The following SPIN1 variants were observed in gnomAD, a reference collection of about 807,000 sequenced individuals.
SPIN1 encodes the protein spindlin 1, also known as spindlin-1.
SPIN1 carries 3 observed loss-of-function variants against 26.0 expected under a neutral mutation model. The observed-to-expected ratio is 0.12, with a 90% CI of 0.05 to 0.30. The LOEUF (loss-of-function observed/expected upper bound fraction) is 0.30, where lower values mean the gene tolerates loss of function less well. SPIN1 is among the 10% of genes least tolerant of loss of function. The pLI is 1.00. For missense variants in SPIN1, 126 were observed against 333.4 expected, an observed-to-expected ratio of 0.38 and a Z score of 4.84; for synonymous variants, 101 against 116.5, an observed-to-expected ratio of 0.87 and a Z score of 0.86.
rs1199662894 is a variant in SPIN1, at chr9:88,478,180, C to G, written c.*2903C>G. 2 of 152,516 alleles carry G rather than the reference C, an allele frequency of 1.3e-5. No homozygotes were observed. The highest frequency in any genetic ancestry group is 2.4e-5 in the African/African-American group (1 of 41,410). The allele number at this position is 152,516 out of a possible 1,614,324, so 9.4% of individuals were successfully genotyped here. ...AAAAAAAATCACAGTTACTTCTAAA[C>G]CAGATTTCATTTCTTTTATTGTTTT... On this transcript the variant is annotated 3_prime_UTR_variant, in exon 6 of 6. Coordinates refer to ENST00000375859, the MANE Select transcript of SPIN1 (RefSeq NM_006717.3).
intron 1 of SPIN1, among the ~76,000 whole-genome samples, chr9:88,412,512 G>A (rs985521715): frequency 6.6e-6 from 1 of 152,176 alleles, no homozygotes; most frequent in African/African-American, 2.4e-5. Context: ...GGTTTGGGCA[G>A]AGGGGGTTGT....
chr9:88,472,188 G>T (rs574093459), intron 5 of SPIN1, among the ~76,000 whole-genome samples: 15 of 152,308 alleles, frequency 9.8e-5, no homozygotes, highest in African/African-American at 3.6e-4. Flanking sequence ...GAACAAAGAA[G>T]TCACCTGGGA....
intron 2 of SPIN1, among the ~76,000 whole-genome samples, chr9:88,441,040 G>C (rs555260416): frequency 6.6e-6 from 1 of 151,684 alleles, no homozygotes; most frequent in Non-Finnish European, 1.5e-5. Context: ...CTCTGTATCC[G>C]TGGGTTTTAC....
intron 1 of SPIN1, among the ~76,000 whole-genome samples, chr9:88,392,365 T>C (rs1826942558): frequency 1.3e-5 from 2 of 152,194 alleles, no homozygotes; most frequent in African/African-American, 4.8e-5. Flanking sequence ...TTACAGACTT[T>C]ATAGTCTGAT....
At chr9:88,426,809 G>C (rs752464074) in intron 2 of SPIN1, among the ~76,000 whole-genome samples, 44 of 152,316 alleles carry the variant, frequency 2.9e-4, no homozygotes, top group African/African-American at 1.0e-3. Flanking sequence ...GGTTATAAAT[G>C]TCTAGTAAAT....
At chr9:88,426,630 T>G in intron 2 of SPIN1, 39 bp downstream of exon 2, 1 of 1,537,332 alleles carries the variant, frequency 6.5e-7, no homozygotes, top group African/African-American at 1.4e-5. Flanking sequence ...AATATATACT[T>G]TAATATAATT....
chr9:88,390,291 T>G (rs1421052266), intron 1 of SPIN1, among the ~76,000 whole-genome samples: 1 of 152,190 alleles, frequency 6.6e-6, no homozygotes, highest in African/African-American at 2.4e-5. Context: ...GATAATTGTG[T>G]GTCTCCCTTA....
At chr9:88,471,684 A>G (rs1828791631) in intron 5 of SPIN1, among the ~76,000 whole-genome samples, 2 of 150,908 alleles carry the variant, frequency 1.3e-5, no homozygotes, top group African/African-American at 4.9e-5. Context: ...AAAAAAGAAA[A>G]TCAGTTGACC....
At chr9:88,414,615 T>C (rs1332691222) in intron 1 of SPIN1, among the ~76,000 whole-genome samples, 3 of 152,202 alleles carry the variant, frequency 2.0e-5, no homozygotes, top group Non-Finnish European at 4.4e-5. Context: ...GCAAATCTAG[T>C]CAAGTGTCAG....
Position 88,441,414 on chromosome 9 carries a change from T to TGTGTGTGTGTGTGTGTGCGC in SPIN1, c.53-7526_53-7525insTGTGTGTGTGTGTGTGCGCG. ...GCTGCCATTCGTGTGTGTGTGTGTG[T>TGTGTGTGTGTGTGTGTGCGC]GCGCGCGCGCGCGCCCATGTGTGTG... On this transcript the variant is annotated intron_variant, in intron 2 of 5. Transcript: ENST00000375859. 7.1e-5 allele frequency among the ~76,000 whole-genome samples: 10 copies of TGTGTGTGTGTGTGTGTGCGC among 141,268 alleles called. 2 individuals are homozygous for TGTGTGTGTGTGTGTGTGCGC. In the South Asian group the frequency reaches 2.1e-3, roughly 29 times the overall value. The allele number at this position is 141,268 out of a possible 152,430, so 92.7% of individuals were successfully genotyped here.
intron 2 of SPIN1, among the ~76,000 whole-genome samples, chr9:88,431,805 T>C (rs1827878273): frequency 6.6e-6 from 1 of 152,144 alleles, no homozygotes; most frequent in Non-Finnish European, 1.5e-5. Context: ...ATCCCAGCGC[T>C]TTGGGAAGCT....
chr9:88,408,223 C>T (rs561689936), intron 1 of SPIN1, among the ~76,000 whole-genome samples: 1 of 151,466 alleles, frequency 6.6e-6, no homozygotes, highest in South Asian at 2.1e-4. Flanking sequence ...TCATTAGTTT[C>T]GAAAAGTTGA....
intron 1 of SPIN1, among the ~76,000 whole-genome samples, chr9:88,416,059 G>GA (rs1212523744): frequency 6.6e-6 from 1 of 151,876 alleles, no homozygotes; most frequent in Non-Finnish European, 1.5e-5. Flanking sequence ...CCTAGCCCAA[G>GA]AACGTCTTAA....
chr9:88,434,572 C>T lies in SPIN1; in HGVS notation c.52+7981C>T, dbSNP rs145163346. ...GATAACAGTATCCAGTTAATGTGTA[C>T]CCATTAACTTTTCTTTTTCTGCTTA... On this transcript the variant is annotated intron_variant, in intron 2 of 5. Transcript: ENST00000375859. Among the ~76,000 whole-genome samples the T allele has an allele frequency of 3.6e-3, 555 of 152,082 alleles. 2 individuals carry two copies. Among genetic ancestry groups the T allele is most frequent in the African/African-American group, 0.013 (522 of 41,512 alleles).
At chr9:88,447,013 C>T (rs908073995) in intron 2 of SPIN1, among the ~76,000 whole-genome samples, 1 of 152,130 alleles carries the variant, frequency 6.6e-6, no homozygotes, top group African/African-American at 2.4e-5. Context: ...CCTCATTCCT[C>T]TCTCTGCTCT....
At chr9:88,461,013 CCTCCT>C (rs1463577484) in intron 3 of SPIN1, among the ~76,000 whole-genome samples, 1 of 152,200 alleles carries the variant, frequency 6.6e-6, no homozygotes, top group Non-Finnish European at 1.5e-5. Flanking sequence ...TAGTCTTTTT[CCTCCT>C]CAAGATACTT....
At chr9:88,444,677 T>C (rs1398644969) in intron 2 of SPIN1, among the ~76,000 whole-genome samples, 2 of 150,758 alleles carry the variant, frequency 1.3e-5, no homozygotes, top group Middle Eastern at 3.2e-3. Flanking sequence ...GATGAATGGT[T>C]TACCTTTTCT....
intron 3 of SPIN1, among the ~76,000 whole-genome samples, chr9:88,450,903 T>C (rs1364665955): frequency 6.6e-6 from 1 of 152,164 alleles, no homozygotes; most frequent in Non-Finnish European, 1.5e-5. Context: ...TTGAAGAGGC[T>C]GCCTGGTGGG....
intron 4 of SPIN1, among the ~76,000 whole-genome samples, chr9:88,465,277 T>C (rs964174771): frequency 2.0e-5 from 3 of 152,216 alleles, no homozygotes; most frequent in African/African-American, 7.2e-5. Flanking sequence ...TTCAGTTGTT[T>C]TGGATATAGG....
Sources: gnomAD v4.1 joint callset for allele counts (sites outside exome capture counted in the v4.1 genomes callset) on GRCh38, gnomAD v4.1.1 for gene constraint, MANE v1.5 for transcripts, NCBI Gene and HGNC (gene_info 2026-07-23, HGNC 2026-07-21) for gene names.